VPS41: variants seen among roughly 807,000 people sequenced by gnomAD.
VPS41 encodes the protein VPS41 subunit of HOPS complex.
Under a neutral mutation model 130.9 loss-of-function variants are expected in VPS41, and 85 were observed. The ratio of observed to expected loss-of-function variants is 0.65; its 90% CI spans 0.55 to 0.78. The LOEUF (loss-of-function observed/expected upper bound fraction) is 0.78, where lower values mean the gene tolerates loss of function less well. Among genes scored for constraint, VPS41 ranks in the 30% least tolerant of loss-of-function variants. The pLI is 0.00. For synonymous variants in VPS41, 335 were observed against 332.9 expected, an observed-to-expected ratio of 1.01 and a Z score of -0.07; for missense variants, 874 against 1,018.7, an observed-to-expected ratio of 0.86 and a Z score of 1.93.
In VPS41 at chr7:38,830,308, C is replaced by A; in HGVS notation, c.267G>T (p.Gln89His). The change falls in exon 5 of 29, where the codon CAG becomes CAT. Residue 89 changes from glutamine (Q) to histidine (H), a missense_variant. Coordinates refer to ENST00000310301, the MANE Select transcript of VPS41 (RefSeq NM_014396.4). ...KFDVSPVKIN[Q>H]ISLDESGEHM... is the part of the protein sequence containing the mutation. ...GCTCTCCACTTTCATCCAAGCTAAT[C>A]TGATTTATCTTCACAGGACTCTAAA... 6.2e-7 allele frequency: 1 copy of A among 1,611,600 alleles called. No individual in the cohort carries two copies. The highest frequency in any genetic ancestry group is 8.5e-7 in the Non-Finnish European group (1 of 1,177,680).
chr7:38,847,913 A>T (rs182707810), intron 4 of VPS41, among the ~76,000 whole-genome samples: 1 of 152,336 alleles, frequency 6.6e-6, no homozygotes, highest in East Asian at 1.9e-4. Flanking sequence ...TCACTTACCT[A>T]AAAAGGGTGG....
Position 38,850,276 on chromosome 7 carries a change from CTG to C in VPS41, c.246+12267_246+12268del, listed in dbSNP as rs569200724. On this transcript the variant is annotated intron_variant, in intron 4 of 28. Transcript: ENST00000310301. Reference sequence around the variant, plus strand: ...CTTACTTCACATTTCCCTTATTATTCTGTGTTACTAAAGAAATCAAGGGTCTT... The same window carrying C: ...CTTACTTCACATTTCCCTTATTATTCTGTTACTAAAGAAATCAAGGGTCTT... Among the ~76,000 whole-genome samples, 5 of 152,282 alleles carry C rather than the reference CTG, an allele frequency of 3.3e-5. No individual in the cohort carries two copies. The South Asian group carries it at 1.0e-3, about 32-fold the overall frequency.
chr7:38,772,605 C>A lies in VPS41; in HGVS notation c.1045G>T (p.Val349Leu), dbSNP rs148839769. Residue 349 changes from valine (V) to leucine (L), a missense_variant, in exon 13 of 29, where the codon GTG (valine) becomes TTG (leucine). Physicochemically the swap from Val to Leu is conservative, Grantham distance 32. Transcript: ENST00000310301. ...GCCACTACAACATCTCTCGGACTCA[C>A]GATGTAAAAAAGTGATTCCCCTTCA... ...YSEGESLFYI[V>L]SPRDVVVAKE... 1 of 1,613,130 alleles carries A rather than the reference C, an allele frequency of 6.2e-7. No homozygotes were observed.
At chr7:38,849,685 T>C (rs1320440913) in intron 4 of VPS41, among the ~76,000 whole-genome samples, 1 of 152,168 alleles carries the variant, frequency 6.6e-6, no homozygotes, top group African/African-American at 2.4e-5. Context: ...GCTTGTGTGT[T>C]CTTCTGCTGA....
intron 25 of VPS41, among the ~76,000 whole-genome samples, chr7:38,736,148 C>T (rs1223049943): frequency 2.0e-5 from 3 of 152,118 alleles, no homozygotes; most frequent in Non-Finnish European, 4.4e-5. Flanking sequence ...TTATAAAACG[C>T]CTCTGTTAAG....
chr7:38,782,869 C>A (rs994684285), intron 10 of VPS41, among the ~76,000 whole-genome samples: 1 of 152,136 alleles, frequency 6.6e-6, no homozygotes, highest in African/African-American at 2.4e-5. Context: ...TTAATCACAG[C>A]AATTTGGGAG....
intron 4 of VPS41, among the ~76,000 whole-genome samples, chr7:38,858,550 T>C (rs527593908): frequency 1.1e-4 from 16 of 152,314 alleles, no homozygotes; most frequent in South Asian, 8.3e-4. Flanking sequence ...GTTTACACCA[T>C]AGACTACAGT....
At chr7:38,830,136 A>T in intron 5 of VPS41, 118 bp downstream of exon 5, 1 of 724,954 alleles carries the variant, frequency 1.4e-6, no homozygotes, top group Non-Finnish European at 2.5e-6. Context: ...AGCAAGTTCA[A>T]TACTCAGAAA....
At position 38,837,537 on chromosome 7, in the gene VPS41, T is replaced by G. The variant is rs140176823; in HGVS notation, c.247-7209A>C. ...TGGCTGATTTTTGACCTGTATCCTT[T>G]CCCTGTAATAAAGCACCATGAATAT... On this transcript the variant is annotated intron_variant, in intron 4 of 28. Coordinates refer to ENST00000310301, the MANE Select transcript of VPS41 (RefSeq NM_014396.4). Among the ~76,000 whole-genome samples the G allele has an allele frequency of 2.4e-3, 359 of 152,342 alleles. 2 individuals are homozygous for G. The highest frequency in any genetic ancestry group is 8.3e-3 in the African/African-American group (346 of 41,582).
chr7:38,772,514 A>C lies in VPS41; in HGVS notation c.1128+8T>G, dbSNP rs1376306363. ...TCAATACTTTCAAAGAAGTAAAATCAAGGGTACTTCATATTTCTTCTTTTC... is the reference window on the plus strand; with the variant it reads ...TCAATACTTTCAAAGAAGTAAAATCCAGGGTACTTCATATTTCTTCTTTTC... On this transcript the variant is annotated splice_region_variant and intron_variant, in intron 13 of 28. Coordinates refer to ENST00000310301, the MANE Select transcript of VPS41 (RefSeq NM_014396.4). The C allele has an allele frequency of 2.5e-6, 4 of 1,574,456 alleles. No individual in the cohort carries two copies. In the Admixed American group the frequency reaches 5.0e-5, roughly 20 times the overall value.
intron 9 of VPS41, among the ~76,000 whole-genome samples, chr7:38,794,403 A>G (rs1784584179): frequency 1.3e-5 from 2 of 152,246 alleles, no homozygotes; most frequent in African/African-American, 4.8e-5. Context: ...TGTTTTGCTA[A>G]TAACAATCAT....
intron 25 of VPS41, among the ~76,000 whole-genome samples, chr7:38,741,114 T>C (rs1471408312): frequency 6.6e-6 from 1 of 152,182 alleles, no homozygotes; most frequent in Non-Finnish European, 1.5e-5. Flanking sequence ...AGACCTCTAC[T>C]TTGCAACCTG....
chr7:38,857,825 A>G (rs1167111223), intron 4 of VPS41, among the ~76,000 whole-genome samples: 1 of 152,264 alleles, frequency 6.6e-6, no homozygotes, highest in Non-Finnish European at 1.5e-5. Context: ...TTAGGGTGAC[A>G]TAAGACATCA....
Position 38,796,736 on chromosome 7 carries a change from A to C in VPS41, c.570+9T>G. 2 of 1,613,548 alleles carry C rather than the reference A, an allele frequency of 1.2e-6. No homozygotes were observed. Among genetic ancestry groups the C allele is most frequent in the Non-Finnish European group, 1.7e-6 (2 of 1,179,686 alleles). On this transcript the variant is annotated intron_variant, in intron 8 of 28. Transcript: ENST00000310301. ...ACAAGCATTAGGAAGACAGAGGCAT[A>C]TTTTTTACCATATTATTGGCCCAAG...
At chr7:38,887,775 G>C (rs113083528) in intron 2 of VPS41, among the ~76,000 whole-genome samples, 1,868 of 152,312 alleles carry the variant, frequency 0.012, 38 homozygotes, top group African/African-American at 0.041. Context: ...AGGGCAGCCA[G>C]AGAGAAAGGT....
At chr7:38,909,096 A>G (rs1787330685) in intron 1 of VPS41, 58 bp downstream of exon 1, 2 of 1,609,896 alleles carry the variant, frequency 1.2e-6, no homozygotes, top group East Asian at 2.2e-5. Context: ...ACCCTCCCCA[A>G]ACAGCCCACC....
intron 17 of VPS41, 124 bp from the exon 18 acceptor site, chr7:38,758,605 C>T: frequency 2.0e-6 from 2 of 983,778 alleles, no homozygotes; most frequent in Non-Finnish European, 2.9e-6. Context: ...TCCTTAGAAT[C>T]TCTAAAATGA....
Position 38,796,790 on chromosome 7 carries a change from C to A in VPS41, c.525G>T (p.Arg175Ser), listed in dbSNP as rs1200911130. The A allele has an allele frequency of 1.2e-6, 2 of 1,613,994 alleles. No homozygotes were observed. The highest frequency in any genetic ancestry group is 8.5e-7 in the Non-Finnish European group (1 of 1,179,908). Residue 175 changes from arginine to serine, a missense_variant, in exon 8 of 29, where the codon AGG becomes AGT. Physicochemically the swap from Arg to Ser is moderately radical, Grantham distance 110. Coordinates refer to ENST00000310301, the MANE Select transcript of VPS41 (RefSeq NM_014396.4). ...AVLHEGEGNI[R>S]SVKWRGHLIA... ...TCAGATGGCCTCTCCACTTCACACT[C>A]CTTATGTTCCCTTCCCCTTCATGCA...
chr7:38,737,618 G>A (rs1023072966), intron 25 of VPS41, among the ~76,000 whole-genome samples: 1 of 152,154 alleles, frequency 6.6e-6, no homozygotes, highest in African/African-American at 2.4e-5. Flanking sequence ...CATCTGCAAA[G>A]CAGGGGCGAG....
Sources: allele counts gnomAD v4.1 joint callset (sites outside exome capture counted in the v4.1 genomes callset), GRCh38; gene constraint gnomAD v4.1.1; transcripts MANE v1.5; gene names NCBI Gene and HGNC (gene_info 2026-07-23, HGNC 2026-07-21).